IL1RAPL2: variants seen among roughly 807,000 people sequenced by gnomAD.
IL1RAPL2 encodes interleukin 1 receptor accessory protein like 2.
IL1RAPL2 carries 3 observed loss-of-function variants against 44.1 expected under a neutral mutation model. The ratio of observed to expected loss-of-function variants is 0.07; its 90% CI spans 0.03 to 0.18. The LOEUF (loss-of-function observed/expected upper bound fraction) is 0.18, where lower values mean the gene tolerates loss of function less well. Ranked by LOEUF, IL1RAPL2 falls within the 10% of genes least tolerant of loss-of-function variation. The pLI, the probability that IL1RAPL2 is intolerant of heterozygous loss-of-function variation, is 1.00. For missense variants in IL1RAPL2, 391 were observed against 496.4 expected, an observed-to-expected ratio of 0.79 and a Z score of 2.02; for synonymous variants, 181 against 178.8, an observed-to-expected ratio of 1.01 and a Z score of -0.10.
intron 3 of IL1RAPL2, among the ~76,000 whole-genome samples, chrX:105,228,466 G>A (rs1436129579): frequency 2.7e-5 from 3 of 111,749 alleles, no homozygotes; most frequent in Non-Finnish European, 5.6e-5. Context: ...GAATTTGGAT[G>A]TTTCATGTGT....
At chrX:105,342,266 A>C (rs1428891601) in intron 5 of IL1RAPL2, among the ~76,000 whole-genome samples, 1 of 110,749 alleles carries the variant, frequency 9.0e-6, no homozygotes, top group Non-Finnish European at 1.9e-5. Flanking sequence ...ATATGTAACA[A>C]ACCTGCACGT....
chrX:104,770,534 T>C (rs1932624149), intron 2 of IL1RAPL2, among the ~76,000 whole-genome samples: 1 of 111,836 alleles, frequency 8.9e-6, no homozygotes, highest in Non-Finnish European at 1.9e-5. Context: ...AAGGCAACTA[T>C]ATTAGTTAGA....
chrX:105,312,398 A>C (rs921947558), intron 5 of IL1RAPL2, among the ~76,000 whole-genome samples: 5 of 111,563 alleles, frequency 4.5e-5, no homozygotes, highest in African/African-American at 1.6e-4. Context: ...CAATTCCTCA[A>C]AATAGTTCCA....
intron 2 of IL1RAPL2, among the ~76,000 whole-genome samples, chrX:105,033,993 C>G (rs1374597218): frequency 1.8e-5 from 2 of 111,858 alleles, no homozygotes; most frequent in South Asian, 3.8e-4. Flanking sequence ...ATCACAGATA[C>G]CCTTTCTTCC....
chrX:105,356,651 T>G (rs1602374115), intron 5 of IL1RAPL2, among the ~76,000 whole-genome samples: 1 of 112,224 alleles, frequency 8.9e-6, no homozygotes, highest in East Asian at 2.8e-4. Flanking sequence ...CTGAGACCAT[T>G]TGGATTTGTT....
intron 6 of IL1RAPL2, among the ~76,000 whole-genome samples, chrX:105,680,069 C>T (rs1026644423): frequency 2.7e-5 from 3 of 111,021 alleles, no homozygotes; most frequent in African/African-American, 9.8e-5. Flanking sequence ...GGTGCGATCT[C>T]GGCTCACTGC....
intron 5 of IL1RAPL2, among the ~76,000 whole-genome samples, chrX:105,381,220 C>T (rs1468468662): frequency 9.0e-6 from 1 of 111,442 alleles, no homozygotes; most frequent in Non-Finnish European, 1.9e-5. Flanking sequence ...CAGGGTCACA[C>T]AGCTAGGAAT....
intron 8 of IL1RAPL2, among the ~76,000 whole-genome samples, chrX:105,742,247 G>C (rs753216469): frequency 1.2e-4 from 13 of 111,385 alleles, no homozygotes; most frequent in Non-Finnish European, 2.3e-4. Context: ...GGAATAGAAT[G>C]CTGAATAAGA....
intron 2 of IL1RAPL2, among the ~76,000 whole-genome samples, chrX:105,033,614 C>T (rs2031558116): frequency 8.9e-6 from 1 of 111,806 alleles, no homozygotes; most frequent in Non-Finnish European, 1.9e-5. Context: ...GATTGGCTTC[C>T]CTTTGTGTGT....
intron 6 of IL1RAPL2, among the ~76,000 whole-genome samples, chrX:105,568,067 A>G (rs1005060084): frequency 1.8e-5 from 2 of 110,969 alleles, no homozygotes; most frequent in Non-Finnish European, 3.8e-5. Context: ...TCAAAACTCT[A>G]TGTGTGTGCA....
Position 105,670,141 on chromosome X carries a change from ATATAT to A in IL1RAPL2, c.773-47225_773-47221del, listed in dbSNP as rs1157565735. On this transcript the variant is annotated intron_variant, in intron 6 of 10. Transcript: ENST00000372582. Reference sequence around the variant, plus strand: ...TATATATATATATATATATATATATATATATATCTCCACCAGACCACACAGTCTTG... The same window carrying A: ...TATATATATATATATATATATATATAATCTCCACCAGACCACACAGTCTTG... Among the ~76,000 whole-genome samples the A allele has an allele frequency of 2.0e-3, 110 of 53,927 alleles. 11 individuals are homozygous for A. Among genetic ancestry groups the A allele is most frequent in the African/African-American group, 3.1e-3 (46 of 14,908 alleles). The allele number at this position is 53,927 out of a possible 115,157, so 46.8% of individuals were successfully genotyped here. A position where few individuals can be genotyped will look rare whatever the true frequency, so the allele number is the denominator to read the frequency against.
chrX:104,572,588 C>T (rs966983374), intron 1 of IL1RAPL2, among the ~76,000 whole-genome samples: 1 of 111,445 alleles, frequency 9.0e-6, no homozygotes, highest in African/African-American at 3.3e-5. Context: ...ATAATCTGTC[C>T]CTTTTCTTTT....
intron 2 of IL1RAPL2, among the ~76,000 whole-genome samples, chrX:105,075,556 T>C (rs2032282843): frequency 1.8e-5 from 2 of 112,018 alleles, no homozygotes; most frequent in Admixed American, 1.9e-4. Context: ...GCTGGCCTCA[T>C]AAAATGAGTT....
At chrX:105,230,359 G>A (rs958831466) in intron 3 of IL1RAPL2, among the ~76,000 whole-genome samples, 3 of 110,242 alleles carry the variant, frequency 2.7e-5, no homozygotes, top group Admixed American at 9.8e-5. Flanking sequence ...CCAGCAGACT[G>A]TTTTAACCCA....
chrX:104,795,396 G>C (rs996936704), intron 2 of IL1RAPL2, among the ~76,000 whole-genome samples: 1 of 104,957 alleles, frequency 9.5e-6, no homozygotes, highest in Non-Finnish European at 2.0e-5. Flanking sequence ...TTTGAAGCAA[G>C]ACTTCTATCC....
At chrX:104,646,744 G>C (rs1304882646) in intron 1 of IL1RAPL2, among the ~76,000 whole-genome samples, 1 of 111,168 alleles carries the variant, frequency 9.0e-6, no homozygotes, top group Non-Finnish European at 1.9e-5. Context: ...GCTGTGGAAG[G>C]CGTCACATTG....
At chrX:104,582,602 T>TTC (rs1184857455) in intron 1 of IL1RAPL2, among the ~76,000 whole-genome samples, 12 of 83,401 alleles carry the variant, frequency 1.4e-4, no homozygotes, top group African/African-American at 2.7e-4. Flanking sequence ...TTCTTTTTCT[T>TTC]TCTTTCTTTC....
At chrX:104,569,551 T>C in intron 1 of IL1RAPL2, among the ~76,000 whole-genome samples, 1 of 112,153 alleles carries the variant, frequency 8.9e-6, no homozygotes, top group Non-Finnish European at 1.9e-5. Flanking sequence ...GGAACATGTC[T>C]CCACAGCTGC....
chrX:105,002,779 G>C (rs1195876458), intron 2 of IL1RAPL2, among the ~76,000 whole-genome samples: 1 of 109,606 alleles, frequency 9.1e-6, no homozygotes. Context: ...TTTTAAAATA[G>C]AGTATTCTTA....
Sources: gnomAD v4.1 joint callset for allele counts (sites outside exome capture counted in the v4.1 genomes callset) on GRCh38, gnomAD v4.1.1 for gene constraint, MANE v1.5 for transcripts, NCBI Gene and HGNC (gene_info 2026-07-23, HGNC 2026-07-21) for gene names.